Variants in PRKCD observed in about 807,000 individuals in gnomAD.
PRKCD encodes protein kinase C delta type.
A neutral mutation model predicts 82.2 loss-of-function variants in PRKCD; 20 were observed. That is an observed-to-expected ratio of 0.24 (90% CI 0.17 to 0.35). The LOEUF is 0.35. PRKCD is among the 10% of genes least tolerant of loss of function. PRKCD has a pLI of 1.00. For synonymous variants in PRKCD, 317 were observed against 337.0 expected (o/e 0.94, Z 0.65); for missense variants, 607 against 899.0 (o/e 0.68, Z 4.15).
chr3:53,183,314 T>C, intron 8 of PRKCD, 108 bp downstream of exon 8: 1 of 1,569,442 alleles, frequency 6.4e-7, no homozygotes, highest in Non-Finnish European at 8.7e-7. Flanking sequence ...CCCTCCCCAT[T>C]TTTCTTAGTC....
chr3:53,162,032 G>T (rs868956770), intron 1 of PRKCD, among the ~76,000 whole-genome samples: 3 of 151,542 alleles, frequency 2.0e-5, no homozygotes. Flanking sequence ...CTGGAGGCCC[G>T]ACCCGCGCGG....
intron 1 of PRKCD, among the ~76,000 whole-genome samples, chr3:53,163,949 C>T (rs567861882): frequency 3.3e-5 from 5 of 152,070 alleles, no homozygotes; most frequent in African/African-American, 9.7e-5. Context: ...GACTGCAGGG[C>T]GCTGACACCA....
intron 2 of PRKCD, among the ~76,000 whole-genome samples, chr3:53,168,298 C>G (rs1702899051): frequency 6.6e-6 from 1 of 152,176 alleles, no homozygotes; most frequent in Non-Finnish European, 1.5e-5. Flanking sequence ...CCCAGCCTGT[C>G]CCAGGGACAC....
intron 2 of PRKCD, among the ~76,000 whole-genome samples, chr3:53,166,978 TG>T (rs1553663966): frequency 6.6e-6 from 1 of 152,142 alleles, no homozygotes; most frequent in Non-Finnish European, 1.5e-5. Context: ...GTGCTCACAG[TG>T]GGTGGGGGTC....
rs1553668254 is a variant in PRKCD at position 53,183,520 on chromosome 3, C to A, written c.726C>A (p.Thr242=). 1 of 1,614,224 alleles carries A rather than the reference C, an allele frequency of 6.2e-7. No individual in the cohort carries two copies. Among genetic ancestry groups the A allele is most frequent in the Admixed American group, 1.7e-5 (1 of 60,028 alleles). Reference sequence around the variant, plus strand: ...AGGTTCACAACTACATGAGCCCCACCTTCTGTGACCACTGCGGCAGCCTGC... The same window carrying A: ...AGGTTCACAACTACATGAGCCCCACATTCTGTGACCACTGCGGCAGCCTGC... The part of the protein sequence containing the change: ...RFKVHNYMSP[T]FCDHCGSLLW... Residue 242 remains threonine (T), a synonymous_variant, in exon 9 of 19, where the codon ACC becomes ACA. Coordinates refer to ENST00000330452, the MANE Select transcript of PRKCD (RefSeq NM_006254.4).
In PRKCD at chr3:53,169,467, C is replaced by T. The variant is rs1325903943; in HGVS notation, c.-20+4252C>T. On this transcript the variant is annotated intron_variant, in intron 2 of 18. Coordinates refer to ENST00000330452, the MANE Select transcript of PRKCD (RefSeq NM_006254.4). This position sits in a 1 kb window ranked among gnomAD's most constrained non-coding sequence, Gnocchi z 4.7. The stretch of plus-strand genomic sequence containing the variant: ...GGAGGGCAGGCTTGTGGTGGCTGAG[C>T]CGCTGTTTTCACAACAGCTCCGGAA... Among the ~76,000 whole-genome samples the T allele has an allele frequency of 6.6e-6, 1 of 152,192 alleles. No homozygotes were observed. The highest frequency in any genetic ancestry group is 2.4e-5 in the African/African-American group (1 of 41,446).
chr3:53,173,949 C>T (rs1175948001), intron 2 of PRKCD, among the ~76,000 whole-genome samples: 6 of 152,196 alleles, frequency 3.9e-5, no homozygotes, highest in Admixed American at 3.9e-4. Context: ...CCGTCCATCT[C>T]TACCCTTTTC....
At chr3:53,192,084 C>G (rs782700738) in intron 18 of PRKCD, 24 bp from the exon 19 acceptor site, 1 of 1,613,680 alleles carries the variant, frequency 6.2e-7, no homozygotes, top group Non-Finnish European at 8.5e-7. Flanking sequence ...GTCCTGTTCG[C>G]TCACCCCTGC....
chr3:53,187,376 T>C lies in PRKCD; in HGVS notation c.1389T>C (p.Phe463=). The change falls in exon 15 of 19, where the codon TTT becomes TTC. Residue 463 remains phenylalanine, a synonymous_variant. Transcript: ENST00000330452. ...CTGAGATAATGTGTGGACTGCAGTT[T>C]CTACACAGCAAGGGCATCATTTACA... ...YAAEIMCGLQ[F]LHSKGIIYRD... 6.2e-7 allele frequency: 1 copy of C among 1,614,170 alleles called. No individual in the cohort carries two copies. The highest frequency in any genetic ancestry group is 1.3e-5 in the African/African-American group (1 of 75,024).
At chr3:53,181,650 G>T (rs1553667568) in intron 6 of PRKCD, 44 bp downstream of exon 6, 2 of 1,612,894 alleles carry the variant, frequency 1.2e-6, no homozygotes, top group Non-Finnish European at 8.5e-7. Context: ...AGGGTAGTGG[G>T]GGCCGATCCC....
At chr3:53,191,569 G>A (rs1184890545) in intron 18 of PRKCD, among the ~76,000 whole-genome samples, 1 of 152,220 alleles carries the variant, frequency 6.6e-6, no homozygotes, top group Non-Finnish European at 1.5e-5. Flanking sequence ...CTCAGGAGCA[G>A]AGAATCAGCA....
chr3:53,188,187 C>CACAAAAAAAA (rs1703781472), intron 15 of PRKCD, among the ~76,000 whole-genome samples: 1 of 45,572 alleles, frequency 2.2e-5, no homozygotes, highest in Non-Finnish European at 3.9e-5. Context: ...GACTGTGTCT[C>CACAAAAAAAA]AAAAAAAAAA....
chr3:53,177,946 CTTT>C (rs55779744), intron 2 of PRKCD, among the ~76,000 whole-genome samples: 3 of 135,052 alleles, frequency 2.2e-5, no homozygotes, highest in Admixed American at 7.6e-5. Context: ...TTTTCTTTTT[CTTT>C]TTTTTTTTTT....
chr3:53,191,460 T>C (rs1703922784), intron 18 of PRKCD, among the ~76,000 whole-genome samples: 1 of 152,180 alleles, frequency 6.6e-6, no homozygotes, highest in Non-Finnish European at 1.5e-5. Flanking sequence ...TCAAATTCCA[T>C]TAAAACCCAG....
intron 8 of PRKCD, 91 bp from the exon 9 acceptor site, chr3:53,183,358 ATGT>A (rs1703537021): frequency 8.2e-6 from 13 of 1,582,542 alleles, no homozygotes; most frequent in South Asian, 6.9e-5. Flanking sequence ...CTCTCTTGGG[ATGT>A]TGTTGTGCCC....
At chr3:53,176,305 C>G (rs1306694394) in intron 2 of PRKCD, among the ~76,000 whole-genome samples, 6 of 152,242 alleles carry the variant, frequency 3.9e-5, no homozygotes, top group Admixed American at 2.0e-4. Context: ...GGGTCCTGCT[C>G]TCTGCTTTGG....
chr3:53,183,516 C>T lies in PRKCD; in HGVS notation c.722C>T (p.Pro241Leu). The T allele has an allele frequency of 6.2e-7, 1 of 1,614,228 alleles. No individual in the cohort carries two copies. ...TTCAAGGTTCACAACTACATGAGCC[C>T]CACCTTCTGTGACCACTGCGGCAGC... ...HRFKVHNYMS[P>L]TFCDHCGSLL... The change falls in exon 9 of 19, where the codon CCC becomes CTC. Residue 241 changes from proline (P) to leucine (L), a missense_variant. Physicochemically the swap from Pro to Leu is moderately conservative, Grantham distance 98. This residue lies in a region of PRKCD where 109 missense variants were observed against 155.6 expected (regional missense o/e 0.70). Coordinates refer to ENST00000330452, the MANE Select transcript of PRKCD (RefSeq NM_006254.4).
rs370247870 is a variant in PRKCD, at chr3:53,188,865, C to T, written c.1554+7C>T. The T allele has an allele frequency of 2.2e-5, 35 of 1,613,674 alleles. No individual in the cohort carries two copies. Among genetic ancestry groups the T allele is most frequent in the African/African-American group, 2.7e-5 (2 of 74,938 alleles). On this transcript the variant is annotated splice_region_variant and intron_variant, in intron 16 of 18. Transcript: ENST00000330452. ...TGACTATATCGCCCCTGAGGTGAGCCGATACCCTTCCAGCCCCCCGCTCAG... is the reference window on the plus strand; with the variant it reads ...TGACTATATCGCCCCTGAGGTGAGCTGATACCCTTCCAGCCCCCCGCTCAG...
Position 53,181,710 on chromosome 3 carries a change from C to T in PRKCD, c.549C>T (p.Asn183=). The T allele has an allele frequency of 1.2e-6, 2 of 1,613,054 alleles. No homozygotes were observed. The highest frequency in any genetic ancestry group is 1.7e-6 in the Non-Finnish European group (2 of 1,179,028). ...GGGTTTTGCCTTTCAGGGGCCTCAA[C>T]AAGCAAGGCTACAAATGCAGGCGTA... ...SVCKDFVWGL[N]KQGYKCRQCN... The change falls in exon 7 of 19, where the codon AAC becomes AAT. Residue 183 remains asparagine (N), a synonymous_variant. Transcript: ENST00000330452.
Sources: gnomAD v4.1 joint callset for allele counts (sites outside exome capture counted in the v4.1 genomes callset) on GRCh38, gnomAD v4.1.1 for gene constraint, gnomAD v4.1.1 regional missense constraint, Gnocchi (gnomAD v3.1) non-coding constraint, MANE v1.5 for transcripts, NCBI Gene and HGNC (gene_info 2026-07-23, HGNC 2026-07-21) for gene names.